Variants in DYNC1I1 observed in about 807,000 individuals in gnomAD.
DYNC1I1 encodes the protein dynein cytoplasmic 1 intermediate chain 1.
Under a neutral mutation model 86.6 loss-of-function variants are expected in DYNC1I1, and 43 were observed. The observed-to-expected ratio is 0.50, with a 90% CI of 0.39 to 0.64. The LOEUF is 0.64. Among genes scored for constraint, DYNC1I1 ranks in the 30% least tolerant of loss-of-function variants. The probability of loss-of-function intolerance (pLI) is 0.00; values close to 1 mark genes in which losing one functional copy is unlikely to be tolerated. For missense variants in DYNC1I1, 604 were observed against 788.8 expected, an observed-to-expected ratio of 0.77 and a Z score of 2.81; for synonymous variants, 262 against 283.7, an observed-to-expected ratio of 0.92 and a Z score of 0.77.
chr7:95,795,706 G>A lies in DYNC1I1; in HGVS notation c.-9-9015G>A, dbSNP rs1179419068. Among the ~76,000 whole-genome samples the A allele has an allele frequency of 4.6e-5, 7 of 152,104 alleles. No individual in the cohort carries two copies. The South Asian group carries it at 1.2e-3, about 27-fold the overall frequency. The stretch of plus-strand genomic sequence containing the variant: ...AATGATGAGAAGGCATAGACACATA[G>A]AGGGGAGCAATACACACTGGGCTCT... On this transcript the variant is annotated intron_variant, in intron 1 of 16. Coordinates refer to ENST00000447467, the MANE Select transcript of DYNC1I1 (RefSeq NM_001135556.2).
At chr7:95,987,019 A>G in intron 8 of DYNC1I1, 37 bp from the exon 9 acceptor site, 1 of 1,583,992 alleles carries the variant, frequency 6.3e-7, no homozygotes, top group Non-Finnish European at 8.7e-7. Context: ...ATAGAGAAAG[A>G]GCTCCATATT....
At chr7:95,895,677 A>G (rs898509782) in intron 6 of DYNC1I1, among the ~76,000 whole-genome samples, 1 of 152,188 alleles carries the variant, frequency 6.6e-6, no homozygotes, top group African/African-American at 2.4e-5. Flanking sequence ...CATCATTTCC[A>G]TTGTCTAAAA....
chr7:95,908,643 C>T (rs771300735), intron 6 of DYNC1I1, among the ~76,000 whole-genome samples: 6 of 152,096 alleles, frequency 3.9e-5, no homozygotes, highest in Non-Finnish European at 7.4e-5. Flanking sequence ...GGTGGGGGTT[C>T]ATCCATAGCC....
At chr7:95,990,278 C>G (rs1483882302) in intron 9 of DYNC1I1, among the ~76,000 whole-genome samples, 1 of 152,100 alleles carries the variant, frequency 6.6e-6, no homozygotes, top group Non-Finnish European at 1.5e-5. Flanking sequence ...TGTGCAGAAT[C>G]AGACTCATGA....
At position 95,818,773 on chromosome 7, in the gene DYNC1I1, G is replaced by A. The variant is rs1795008010; in HGVS notation, c.314+5436G>A. On this transcript the variant is annotated intron_variant, in intron 4 of 16. Transcript: ENST00000447467. ...CCAGAGTAGCACTCTTAGCACCTTA[G>A]TGCTTATTCTTTTATATTATATGTA... 7 of 381,848 alleles carry A rather than the reference G, an allele frequency of 1.8e-5. No homozygotes were observed. In the East Asian group the frequency reaches 2.6e-4, roughly 14 times the overall value. 23.7% of individuals were successfully genotyped at this position (381,848 alleles called of 1,614,324 possible).
chr7:95,983,067 G>T (rs1206093348), intron 7 of DYNC1I1, among the ~76,000 whole-genome samples: 1 of 152,122 alleles, frequency 6.6e-6, no homozygotes, highest in Non-Finnish European at 1.5e-5. Context: ...ATCAAATCTA[G>T]CATATGGCAG....
intron 16 of DYNC1I1, among the ~76,000 whole-genome samples, chr7:96,085,096 T>C (rs1790639586): frequency 6.6e-6 from 1 of 152,178 alleles, no homozygotes; most frequent in South Asian, 2.1e-4. Context: ...AAAGGGACTC[T>C]GGTGTTACCA....
chr7:95,986,755 G>C (rs961472288), intron 8 of DYNC1I1, among the ~76,000 whole-genome samples: 1 of 151,922 alleles, frequency 6.6e-6, no homozygotes, highest in Non-Finnish European at 1.5e-5. Context: ...TCAGGGAGAG[G>C]CTCTGGCCTG....
At chr7:95,843,756 T>A (rs897651388) in intron 5 of DYNC1I1, among the ~76,000 whole-genome samples, 1 of 152,160 alleles carries the variant, frequency 6.6e-6, no homozygotes, top group Non-Finnish European at 1.5e-5. Context: ...TAAGTGCAAC[T>A]CAACTTGTCT....
chr7:96,031,472 A>G (rs920060531), intron 11 of DYNC1I1, among the ~76,000 whole-genome samples: 1 of 152,122 alleles, frequency 6.6e-6, no homozygotes, highest in African/African-American at 2.4e-5. Context: ...CTTTATCCCC[A>G]TTAGTGGAAG....
At chr7:95,954,200 T>C in intron 6 of DYNC1I1, among the ~76,000 whole-genome samples, 1 of 151,614 alleles carries the variant, frequency 6.6e-6, no homozygotes, top group Non-Finnish European at 1.5e-5. Flanking sequence ...ATACTTCCCA[T>C]GTCACCTGGT....
intron 15 of DYNC1I1, among the ~76,000 whole-genome samples, chr7:96,077,623 A>C (rs1042173723): frequency 1.3e-5 from 2 of 152,144 alleles, no homozygotes; most frequent in Non-Finnish European, 2.9e-5. Context: ...ATTTGCTAGG[A>C]GAAATTCATT....
intron 10 of DYNC1I1, among the ~76,000 whole-genome samples, chr7:96,022,879 A>G (rs1794587836): frequency 6.6e-6 from 1 of 151,666 alleles, no homozygotes; most frequent in African/African-American, 2.4e-5. Flanking sequence ...CAATAATAAT[A>G]ATAATAATAA....
intron 9 of DYNC1I1, among the ~76,000 whole-genome samples, chr7:95,990,436 A>G (rs936387869): frequency 1.3e-5 from 2 of 152,176 alleles, no homozygotes; most frequent in African/African-American, 4.8e-5. Context: ...AAAGATTACT[A>G]TTGACACCAG....
chr7:95,778,965 C>A (rs1409842838), intron 1 of DYNC1I1, among the ~76,000 whole-genome samples: 1 of 152,148 alleles, frequency 6.6e-6, no homozygotes, highest in African/African-American at 2.4e-5. Flanking sequence ...CACCTGACCC[C>A]AGCAAGTTTT....
chr7:95,899,711 A>G (rs1790983890), intron 6 of DYNC1I1, among the ~76,000 whole-genome samples: 1 of 152,166 alleles, frequency 6.6e-6, no homozygotes, highest in Non-Finnish European at 1.5e-5. Context: ...GTTAGAAACC[A>G]CCACTTTCAT....
At chr7:95,989,309 T>C (rs1793673265) in intron 9 of DYNC1I1, among the ~76,000 whole-genome samples, 1 of 152,232 alleles carries the variant, frequency 6.6e-6, no homozygotes, top group Non-Finnish European at 1.5e-5. Flanking sequence ...TCCTCTTGAA[T>C]TCCTTTTTGT....
At chr7:95,869,570 A>G (rs916645572) in intron 5 of DYNC1I1, among the ~76,000 whole-genome samples, 1 of 152,132 alleles carries the variant, frequency 6.6e-6, no homozygotes, top group Non-Finnish European at 1.5e-5. Flanking sequence ...AGTTCCCTCA[A>G]TAAATTTTAA....
chr7:96,031,969 C>A (rs141777921), intron 11 of DYNC1I1, among the ~76,000 whole-genome samples: 51 of 152,228 alleles, frequency 3.4e-4, no homozygotes, highest in African/African-American at 1.2e-3. Flanking sequence ...TGTATGGTTC[C>A]TGGGATGTAT....
Sources: gnomAD v4.1 joint callset for allele counts (sites outside exome capture counted in the v4.1 genomes callset) on GRCh38, gnomAD v4.1.1 for gene constraint, MANE v1.5 for transcripts, NCBI Gene and HGNC (gene_info 2026-07-23, HGNC 2026-07-21) for gene names.